The following SPAG16 variants were observed in gnomAD, a reference collection of about 807,000 sequenced individuals.
The protein encoded by SPAG16 is sperm associated antigen 16.
A neutral mutation model predicts 80.4 loss-of-function variants in SPAG16; 86 were observed. The ratio of observed to expected loss-of-function variants is 1.07; its 90% CI spans 0.90 to 1.28. The LOEUF (loss-of-function observed/expected upper bound fraction) is 1.28, where lower values mean the gene tolerates loss of function less well. SPAG16 is among the 50% of genes most tolerant of loss of function. The probability of loss-of-function intolerance (pLI) is 0.00; values close to 1 mark genes in which losing one functional copy is unlikely to be tolerated. For missense variants in SPAG16, 870 were observed against 765.3 expected (o/e 1.14, Z -1.61); for synonymous variants, 294 against 265.9 (o/e 1.11, Z -1.03).
chr2:213,349,746 G>C (rs1391931723), intron 6 of SPAG16, among the ~76,000 whole-genome samples: 1 of 152,066 alleles, frequency 6.6e-6, no homozygotes, highest in Non-Finnish European at 1.5e-5. Context: ...GCTATGTAAA[G>C]TAATGTGGAA....
intron 10 of SPAG16, among the ~76,000 whole-genome samples, chr2:213,719,640 C>T (rs1403047985): frequency 1.3e-5 from 2 of 152,194 alleles, no homozygotes. Flanking sequence ...GGACACAATA[C>T]CATCTCATGC....
chr2:213,397,457 C>T (rs1310912415), intron 9 of SPAG16, among the ~76,000 whole-genome samples: 2 of 152,166 alleles, frequency 1.3e-5, no homozygotes, highest in African/African-American at 2.4e-5. Flanking sequence ...TTTGCCCACT[C>T]ATTGTACCTT....
chr2:213,780,586 T>G (rs1406591708), intron 10 of SPAG16, among the ~76,000 whole-genome samples: 1 of 150,630 alleles, frequency 6.6e-6, no homozygotes, highest in African/African-American at 2.4e-5. Flanking sequence ...TTTTTTTTTT[T>G]TTTGGTGGTG....
At chr2:213,656,362 G>C (rs537863401) in intron 10 of SPAG16, among the ~76,000 whole-genome samples, 35 of 152,166 alleles carry the variant, frequency 2.3e-4, no homozygotes, top group Non-Finnish European at 4.0e-4. Context: ...AGTGGAGACG[G>C]GGTTTCACCG....
chr2:214,333,433 G>A (rs985181539), intron 15 of SPAG16, among the ~76,000 whole-genome samples: 5 of 152,154 alleles, frequency 3.3e-5, no homozygotes, highest in African/African-American at 1.2e-4. Flanking sequence ...GCATCTGACA[G>A]TCTAATATCA....
chr2:214,303,418 A>AT (rs999294077), intron 15 of SPAG16, among the ~76,000 whole-genome samples: 1 of 152,138 alleles, frequency 6.6e-6, no homozygotes, highest in Non-Finnish European at 1.5e-5. Flanking sequence ...CATGGATGGC[A>AT]TTTTTTTAAA....
chr2:213,860,437 T>TATATGTATATATATATACATATATCTATA (rs72116627), intron 10 of SPAG16, among the ~76,000 whole-genome samples: 4 of 133,608 alleles, frequency 3.0e-5, no homozygotes, highest in Non-Finnish European at 6.4e-5. Flanking sequence ...ATCTATATAT[T>TATATGTATATATATATACATATATCTATA]TATAGATATA....
Position 213,445,736 on chromosome 2 carries a change from A to T in SPAG16, c.943-44227A>T, listed in dbSNP as rs76280536. ...TAATCATCAGATGAATGCAAATCTA[A>T]ACTACAATAAGATACCATCTCACCT... On this transcript the variant is annotated intron_variant, in intron 9 of 15. Transcript: ENST00000331683. 8.5e-3 allele frequency among the ~76,000 whole-genome samples: 1,297 copies of T among 152,254 alleles called. 17 individuals are homozygous for T. The highest frequency in any genetic ancestry group is 0.029 in the African/African-American group (1,210 of 41,526).
intron 4 of SPAG16, among the ~76,000 whole-genome samples, chr2:213,316,240 A>G (rs906577861): frequency 3.9e-5 from 6 of 152,106 alleles, no homozygotes; most frequent in South Asian, 4.1e-4. Context: ...TGCTCAGCCA[A>G]AAACCCTGGA....
intron 9 of SPAG16, among the ~76,000 whole-genome samples, chr2:213,477,281 C>T (rs1204189749): frequency 1.3e-5 from 2 of 152,136 alleles, no homozygotes; most frequent in African/African-American, 2.4e-5. Flanking sequence ...ATTTGTCTGT[C>T]TCCTGTATCT....
chr2:213,368,450 C>T (rs1466983572), intron 8 of SPAG16, among the ~76,000 whole-genome samples: 1 of 152,076 alleles, frequency 6.6e-6, no homozygotes, highest in Non-Finnish European at 1.5e-5. Flanking sequence ...AAACCCACAG[C>T]CAATATCATA....
At chr2:213,324,867 C>T (rs1012556) in intron 5 of SPAG16, among the ~76,000 whole-genome samples, 2 of 151,938 alleles carry the variant, frequency 1.3e-5, no homozygotes, top group Non-Finnish European at 2.9e-5. Context: ...GGAATACATG[C>T]GAATTCCAGT....
At chr2:213,617,460 G>A (rs527455453) in intron 10 of SPAG16, among the ~76,000 whole-genome samples, 1 of 152,228 alleles carries the variant, frequency 6.6e-6, no homozygotes, top group African/African-American at 2.4e-5. Flanking sequence ...TTCTGCCTCA[G>A]CCTCCCGACT....
intron 10 of SPAG16, among the ~76,000 whole-genome samples, chr2:213,752,438 T>A (rs2068119397): frequency 6.6e-6 from 1 of 152,228 alleles, no homozygotes; most frequent in South Asian, 2.1e-4. Flanking sequence ...CTTCTGTGTT[T>A]CTTCTGTAGT....
chr2:213,404,240 G>T (rs1451424103), intron 9 of SPAG16, among the ~76,000 whole-genome samples: 2 of 152,102 alleles, frequency 1.3e-5, no homozygotes, highest in African/African-American at 4.8e-5. Context: ...ACAAGAGCCC[G>T]CATTGCCAAG....
intron 15 of SPAG16, among the ~76,000 whole-genome samples, chr2:214,398,315 G>A (rs976456153): frequency 2.0e-5 from 3 of 152,134 alleles, no homozygotes; most frequent in African/African-American, 7.2e-5. Flanking sequence ...GCCACATTGA[G>A]TTGACTTTCC....
At position 214,158,023 on chromosome 2, in the gene SPAG16, G is replaced by T. The variant is rs928104651; in HGVS notation, c.1720+8757G>T. Among the ~76,000 whole-genome samples, 3 of 151,892 alleles carry T rather than the reference G, an allele frequency of 2.0e-5. No individual in the cohort carries two copies. The South Asian group carries it at 6.2e-4, about 32-fold the overall frequency. Reference sequence around the variant, plus strand: ...CATCAGAAAAGGACATTTGAATCAGGAACAAACGAGGGTCTAAACAGTAAA... The same window carrying T: ...CATCAGAAAAGGACATTTGAATCAGTAACAAACGAGGGTCTAAACAGTAAA... On this transcript the variant is annotated intron_variant, in intron 15 of 15. Transcript: ENST00000331683.
intron 15 of SPAG16, among the ~76,000 whole-genome samples, chr2:214,175,665 A>C (rs1447922223): frequency 6.6e-6 from 1 of 151,540 alleles, no homozygotes; most frequent in Non-Finnish European, 1.5e-5. Context: ...TTGATCAAAC[A>C]ATATATATGC....
chr2:214,403,534 T>G (rs1701832956), intron 15 of SPAG16, among the ~76,000 whole-genome samples: 1 of 152,094 alleles, frequency 6.6e-6, no homozygotes, highest in Non-Finnish European at 1.5e-5. Flanking sequence ...CATTCCAATT[T>G]GTACTAACCA....
Sources: allele counts gnomAD v4.1 joint callset (sites outside exome capture counted in the v4.1 genomes callset), GRCh38; gene constraint gnomAD v4.1.1; transcripts MANE v1.5; gene names NCBI Gene and HGNC (gene_info 2026-07-23, HGNC 2026-07-21).